Variants in POU2F3 observed in about 807,000 individuals in gnomAD.
POU2F3 encodes POU domain, class 2, transcription factor 3.
POU2F3 carries 23 observed loss-of-function variants against 59.2 expected under a neutral mutation model. The ratio of observed to expected loss-of-function variants is 0.39; its 90% CI spans 0.28 to 0.55. The LOEUF (loss-of-function observed/expected upper bound fraction) is 0.55. POU2F3 is among the 20% of genes least tolerant of loss of function. POU2F3 has a pLI of 0.66. For synonymous variants in POU2F3, 190 were observed against 214.6 expected (o/e 0.89, Z 1.00); for missense variants, 473 against 544.5 (o/e 0.87, Z 1.31).
At chr11:120,307,352 G>T (rs1360476539) in intron 8 of POU2F3, 127 bp from the exon 9 acceptor site, 11 of 1,070,408 alleles carry the variant, frequency 1.0e-5, no homozygotes, top group Non-Finnish European at 1.5e-5. Flanking sequence ...CCTGCTGGGG[G>T]AGGGGATTGC....
chr11:120,304,985 T>C, intron 6 of POU2F3, 45 bp from the exon 7 acceptor site: 1 of 1,218,472 alleles, frequency 8.2e-7, no homozygotes, highest in Non-Finnish European at 1.1e-6. Flanking sequence ...GAAAATGTTA[T>C]TTATTGATCT....
rs556549899 is a variant in POU2F3, at chr11:120,269,636, C to T, written c.132+392C>T. On this transcript the variant is annotated intron_variant, in intron 3 of 12. Coordinates refer to ENST00000543440, the MANE Select transcript of POU2F3 (RefSeq NM_014352.4). Reference sequence around the variant, plus strand: ...AAAGGATGAGGTGCCTGGGTTGCCACAGAGAATTCCTGATTTAAAGGAAGA... The same window carrying T: ...AAAGGATGAGGTGCCTGGGTTGCCATAGAGAATTCCTGATTTAAAGGAAGA... 2.6e-5 allele frequency among the ~76,000 whole-genome samples: 4 copies of T among 152,166 alleles called. 1 individual carries two copies. The highest frequency in any genetic ancestry group is 2.6e-4 in the Admixed American group (4 of 15,276).
chr11:120,306,109 C>T (rs961352541), intron 8 of POU2F3, among the ~76,000 whole-genome samples: 1 of 152,200 alleles, frequency 6.6e-6, no homozygotes, highest in Non-Finnish European at 1.5e-5. Flanking sequence ...AGAGCAGATA[C>T]ACTTATGCAG....
intron 9 of POU2F3, 23 bp from the exon 10 acceptor site, chr11:120,309,402 C>A (rs750051764): frequency 2.5e-6 from 4 of 1,596,436 alleles, no homozygotes; most frequent in Non-Finnish European, 3.4e-6. Context: ...CTTGGCCATA[C>A]TCTGTCCTTT....
intron 3 of POU2F3, among the ~76,000 whole-genome samples, chr11:120,278,909 T>C: frequency 6.6e-6 from 1 of 152,178 alleles, no homozygotes; most frequent in East Asian, 1.9e-4. Context: ...ACTTAAAGTA[T>C]ATATAAAAAA....
In POU2F3 at chr11:120,298,282, C is replaced by T; in HGVS notation, c.150C>T (p.Leu50=). The change falls in exon 4 of 13, where the codon CTC becomes CTT. Residue 50 remains leucine (L), a synonymous_variant. Coordinates refer to ENST00000543440, the MANE Select transcript of POU2F3 (RefSeq NM_014352.4). ...DFNRQIKTED[L]SDSLQQTLSH... ...ACTTGCAGATTAAAACCGAAGATCT[C>T]AGTGACTCCCTGCAGCAGACCCTCT... 6.2e-7 allele frequency: 1 copy of T among 1,613,240 alleles called. No individual in the cohort carries two copies. Among genetic ancestry groups the T allele is most frequent in the South Asian group, 1.1e-5 (1 of 90,976 alleles).
intron 3 of POU2F3, 130 bp downstream of exon 3, chr11:120,269,374 A>T: frequency 1.3e-6 from 1 of 745,436 alleles, no homozygotes; most frequent in Non-Finnish European, 2.2e-6. Flanking sequence ...ACCTTTCAGG[A>T]TCAAAGGACC....
chr11:120,252,788 G>C (rs956192339), intron 2 of POU2F3, among the ~76,000 whole-genome samples: 10 of 152,240 alleles, frequency 6.6e-5, no homozygotes, highest in African/African-American at 2.2e-4. Context: ...CCAGGACTAG[G>C]GTAAGCAGAG....
At chr11:120,266,888 T>G (rs1360301520) in intron 2 of POU2F3, among the ~76,000 whole-genome samples, 1 of 152,234 alleles carries the variant, frequency 6.6e-6, no homozygotes, top group African/African-American at 2.4e-5. Context: ...TCTCCAATAT[T>G]GTATCCCCAG....
intron 3 of POU2F3, among the ~76,000 whole-genome samples, chr11:120,281,762 G>T (rs953748857): frequency 2.3e-4 from 35 of 152,074 alleles, no homozygotes; most frequent in African/African-American, 8.2e-4. Context: ...TCGAGCTCTG[G>T]CATTACACAG....
intron 5 of POU2F3, chr11:120,301,292 G>A (rs1193620105): frequency 3.4e-6 from 1 of 295,678 alleles, no homozygotes; most frequent in Non-Finnish European, 6.7e-6. Flanking sequence ...TTGAAATAAT[G>A]CATGTGAAAA....
intron 2 of POU2F3, among the ~76,000 whole-genome samples, chr11:120,260,128 C>T (rs957539497): frequency 3.3e-5 from 5 of 152,218 alleles, no homozygotes; most frequent in Non-Finnish European, 7.4e-5. Flanking sequence ...GCCCCATTGC[C>T]GAATGTTCTC....
chr11:120,279,955 G>A (rs933856910), intron 3 of POU2F3, among the ~76,000 whole-genome samples: 8 of 152,304 alleles, frequency 5.3e-5, no homozygotes, highest in South Asian at 2.1e-4. Flanking sequence ...CCGAATGCTC[G>A]TCTTGGCTCA....
chr11:120,272,400 A>G (rs1940115249), intron 3 of POU2F3, among the ~76,000 whole-genome samples: 2 of 152,126 alleles, frequency 1.3e-5, no homozygotes, highest in Admixed American at 1.3e-4. Flanking sequence ...GAGGCCTGGG[A>G]GCCAGAGATT....
Position 120,264,190 on chromosome 11 carries a change from TACACACACACACAC to T in POU2F3, c.98-4990_98-4977del, listed in dbSNP as rs35186745. Among the ~76,000 whole-genome samples, 117 of 133,126 alleles carry T rather than the reference TACACACACACACAC, an allele frequency of 8.8e-4. 1 individual carries two copies. The highest frequency in any genetic ancestry group is 8.1e-3 in the South Asian group (32 of 3,954). 87.3% of individuals were successfully genotyped at this position (133,126 alleles called of 152,430 possible). Reference sequence around the variant, plus strand: ...GCCTAGGTAACATGATAAGACCTCATACACACACACACACACACACACACACACACACACACACA... The same window carrying T: ...GCCTAGGTAACATGATAAGACCTCATACACACACACACACACACACACACA... On this transcript the variant is annotated intron_variant, in intron 2 of 12. Transcript: ENST00000543440.
At chr11:120,236,757 C>A (rs748826595), upstream of POU2F3, 11 of 1,412,162 alleles carry the variant, frequency 7.8e-6, no homozygotes, top group African/African-American at 1.4e-5. Context: ...CTGAAATGAT[C>A]AGTGAGCAAG....
intron 1 of POU2F3, among the ~76,000 whole-genome samples, chr11:120,245,336 G>A (rs1200951256): frequency 6.6e-6 from 1 of 152,114 alleles, no homozygotes; most frequent in Non-Finnish European, 1.5e-5. Flanking sequence ...CTCCAGACCT[G>A]GGCATCCGGA....
At chr11:120,295,287 C>T (rs573939046) in intron 3 of POU2F3, among the ~76,000 whole-genome samples, 1 of 152,362 alleles carries the variant, frequency 6.6e-6, no homozygotes, top group South Asian at 2.1e-4. Context: ...CTCTCCTTAT[C>T]TCTCCCTTGT....
chr11:120,303,204 CCA>C (rs1491557474), intron 6 of POU2F3: 2 of 120,898 alleles, frequency 1.7e-5, no homozygotes, highest in Non-Finnish European at 3.3e-5. Flanking sequence ...GGGAAGCTCG[CCA>C]TCTAGTGGTT....
Sources: gnomAD v4.1 joint callset for allele counts (sites outside exome capture counted in the v4.1 genomes callset) on GRCh38, gnomAD v4.1.1 for gene constraint, MANE v1.5 for transcripts, NCBI Gene and HGNC (gene_info 2026-07-23, HGNC 2026-07-21) for gene names.